UNC93A: variants seen among roughly 807,000 people sequenced by gnomAD.
UNC93A encodes unc-93 homolog A, also known as N-acetylglucosamine transporter UNC93A.
A neutral mutation model predicts 47.5 loss-of-function variants in UNC93A; 43 were observed. The ratio of observed to expected loss-of-function variants is 0.91; its 90% CI spans 0.71 to 1.17. The LOEUF (loss-of-function observed/expected upper bound fraction) is 1.17, where lower values mean the gene tolerates loss of function less well. Ranked by LOEUF, UNC93A falls within the 50% of genes most tolerant of loss-of-function variation. UNC93A has a pLI of 0.00. For missense variants in UNC93A, 605 were observed against 577.6 expected (o/e 1.05, Z -0.49); for synonymous variants, 280 against 258.0 (o/e 1.09, Z -0.82).
At chr6:167,306,996 G>T (rs1778416400) in intron 6 of UNC93A, among the ~76,000 whole-genome samples, 1 of 152,182 alleles carries the variant, frequency 6.6e-6, no homozygotes, top group African/African-American at 2.4e-5. Flanking sequence ...CTACCTGCCT[G>T]GGGGGTCTGT....
intron 3 of UNC93A, 50 bp from the exon 4 acceptor site, chr6:167,297,895 T>G: frequency 1.9e-6 from 3 of 1,599,898 alleles, no homozygotes; most frequent in Non-Finnish European, 2.6e-6. Flanking sequence ...AACCTACATC[T>G]TGTCACATTT....
At position 167,296,147 on chromosome 6, in the gene UNC93A, C is replaced by G; in HGVS notation, c.385C>G (p.Arg129Gly). Residue 129 changes from arginine to glycine, a missense_variant, in exon 3 of 8, where the codon CGT becomes GGT. Physicochemically the swap from Arg to Gly is moderately radical, Grantham distance 125 (BLOSUM62 -2). Transcript: ENST00000230256. Reference sequence around the variant, plus strand: ...CACACATGCAGAGAAGGCGGGAAAGCGTGGCAAAGACATGGTGAACCAGTA... The same window carrying G: ...CACACATGCAGAGAAGGCGGGAAAGGGTGGCAAAGACATGGTGAACCAGTA... ...GNTHAEKAGK[R>G]GKDMVNQYFG... 6.2e-7 allele frequency: 1 copy of G among 1,614,222 alleles called. No individual in the cohort carries two copies. Among genetic ancestry groups the G allele is most frequent in the Non-Finnish European group, 8.5e-7 (1 of 1,180,044 alleles).
Position 167,275,223 on chromosome 6 carries a change from T to C in UNC93A, c.-52+3765T>C, listed in dbSNP as rs77562314. 2.0e-3 allele frequency among the ~76,000 whole-genome samples: 307 copies of C among 152,350 alleles called. 2 individuals carry two copies. Among genetic ancestry groups the C allele is most frequent in the African/African-American group, 6.4e-3 (267 of 41,572 alleles). Reference sequence around the variant, plus strand: ...ACTCTGCAGGGTCTTTGGGTTCCTGTTGGACCAGTTCAGCCTGTCATTCTG... The same window carrying C: ...ACTCTGCAGGGTCTTTGGGTTCCTGCTGGACCAGTTCAGCCTGTCATTCTG... On this transcript the variant is annotated intron_variant, in intron 1 of 3. Coordinates refer to the UNC93A transcript ENST00000503433.
intron 1 of UNC93A, among the ~76,000 whole-genome samples, chr6:167,282,241 G>A (rs983964663): frequency 6.6e-6 from 1 of 152,084 alleles, no homozygotes; most frequent in Non-Finnish European, 1.5e-5. Context: ...CATTCCAGGG[G>A]GTCTAGAGGT....
upstream of UNC93A, among the ~76,000 whole-genome samples, chr6:167,288,702 G>A (rs1489860782): frequency 6.6e-6 from 1 of 152,202 alleles, no homozygotes; most frequent in Admixed American, 6.5e-5. Flanking sequence ...CCTTAAAAAA[G>A]CAAACCATTG....
At chr6:167,281,756 C>A (rs911187583) in intron 1 of UNC93A, among the ~76,000 whole-genome samples, 1 of 152,134 alleles carries the variant, frequency 6.6e-6, no homozygotes, top group Non-Finnish European at 1.5e-5. Context: ...CAAGTCAAGC[C>A]AAGCAGTGGG....
chr6:167,308,650 T>A (rs1219975007), intron 7 of UNC93A, among the ~76,000 whole-genome samples: 1 of 135,466 alleles, frequency 7.4e-6, no homozygotes, highest in African/African-American at 2.9e-5. Flanking sequence ...CTGGGGGGAG[T>A]GCAGAGGAGT....
At chr6:167,313,392 G>C (rs1205096139) in intron 7 of UNC93A, among the ~76,000 whole-genome samples, 1 of 152,076 alleles carries the variant, frequency 6.6e-6, no homozygotes, top group Non-Finnish European at 1.5e-5. Flanking sequence ...GGCATTGAGG[G>C]CCCGGAAAGT....
At chr6:167,299,152 A>G (rs990124714) in intron 4 of UNC93A, among the ~76,000 whole-genome samples, 6 of 147,046 alleles carry the variant, frequency 4.1e-5, no homozygotes, top group African/African-American at 1.6e-4. Flanking sequence ...ACACACACAC[A>G]TATTTATATA....
chr6:167,275,942 A>C (rs1315110286), intron 1 of UNC93A, among the ~76,000 whole-genome samples: 7 of 152,058 alleles, frequency 4.6e-5, no homozygotes, highest in Admixed American at 3.9e-4. Context: ...CCTCCCGCCT[A>C]GCTGTGATTT....
At chr6:167,309,951 C>T (rs1191848018) in intron 7 of UNC93A, among the ~76,000 whole-genome samples, 2 of 152,240 alleles carry the variant, frequency 1.3e-5, no homozygotes, top group East Asian at 3.9e-4. Flanking sequence ...TAGACTGGAC[C>T]CGAGGCCAGG....
chr6:167,279,166 G>A (rs1255242793), intron 1 of UNC93A, among the ~76,000 whole-genome samples: 2 of 152,148 alleles, frequency 1.3e-5, no homozygotes, highest in Non-Finnish European at 2.9e-5. Flanking sequence ...GGAAATCTAT[G>A]GCACATACTT....
chr6:167,292,644 T>A (rs762395626), intron 1 of UNC93A, among the ~76,000 whole-genome samples: 1 of 152,202 alleles, frequency 6.6e-6, no homozygotes, highest in Non-Finnish European at 1.5e-5. Flanking sequence ...CAGTCTCTTT[T>A]CTTGCCGCAA....
chr6:167,275,339 G>T (rs745445247), intron 1 of UNC93A, among the ~76,000 whole-genome samples: 1 of 152,214 alleles, frequency 6.6e-6, no homozygotes, highest in African/African-American at 2.4e-5. Flanking sequence ...GTTTGGCAAC[G>T]TGGCTTTCTA....
chr6:167,294,723 AC>A lies in UNC93A; in HGVS notation c.269+29del, dbSNP rs750776415. 383 of 1,324,968 alleles carry A rather than the reference AC, an allele frequency of 2.9e-4. 4 individuals carry two copies. The highest frequency in any genetic ancestry group is 7.1e-5 in the Non-Finnish European group (69 of 974,940). 82.1% of individuals were successfully genotyped at this position (1,324,968 alleles called of 1,614,324 possible). On this transcript the variant is annotated intron_variant, in intron 2 of 7. Coordinates refer to ENST00000230256, the MANE Select transcript of UNC93A (RefSeq NM_018974.4). ...GGTACGCAGCCACCACCCCCTGCCCACCCCACCCCGGCCGTTCCCCACGCTA... is the reference window on the plus strand; with the variant it reads ...GGTACGCAGCCACCACCCCCTGCCCACCCACCCCGGCCGTTCCCCACGCTA...
chr6:167,281,054 G>A (rs539893587), intron 1 of UNC93A, among the ~76,000 whole-genome samples: 1 of 152,098 alleles, frequency 6.6e-6, no homozygotes, highest in Non-Finnish European at 1.5e-5. Context: ...TGCCCAGAAG[G>A]ATGTCCCACC....
chr6:167,277,633 C>T (rs2115077256), intron 1 of UNC93A, among the ~76,000 whole-genome samples: 1 of 151,702 alleles, frequency 6.6e-6, no homozygotes, highest in East Asian at 1.9e-4. Flanking sequence ...CTCTGACTTT[C>T]TCTCTCTCTG....
intron 1 of UNC93A, among the ~76,000 whole-genome samples, chr6:167,279,856 G>C (rs1225418964): frequency 6.6e-6 from 1 of 152,200 alleles, no homozygotes; most frequent in Admixed American, 6.5e-5. Context: ...GCATAAAAGA[G>C]AGTAGGACTG....
At chr6:167,300,958 A>G (rs1410985719) in intron 4 of UNC93A, among the ~76,000 whole-genome samples, 1 of 152,242 alleles carries the variant, frequency 6.6e-6, no homozygotes, top group Non-Finnish European at 1.5e-5. Context: ...TATCTTTCTG[A>G]GGATCATATG....
Sources: gnomAD v4.1 joint callset for allele counts (sites outside exome capture counted in the v4.1 genomes callset) on GRCh38, gnomAD v4.1.1 for gene constraint, MANE v1.5 for transcripts, NCBI Gene and HGNC (gene_info 2026-07-23, HGNC 2026-07-21) for gene names.